Variants in RBFOX1 observed in about 807,000 individuals in gnomAD.
RBFOX1 encodes the protein RNA binding fox-1 homolog 1.
A neutral mutation model predicts 57.7 loss-of-function variants in RBFOX1; 8 were observed. The ratio of observed to expected loss-of-function variants is 0.14; its 90% CI spans 0.08 to 0.25. The LOEUF is 0.25. Ranked by LOEUF, RBFOX1 falls within the 10% of genes least tolerant of loss-of-function variation. RBFOX1 has a pLI of 1.00. For synonymous variants in RBFOX1, 326 were observed against 222.4 expected, an observed-to-expected ratio of 1.47 and a Z score of -4.15; for missense variants, 611 against 548.5, an observed-to-expected ratio of 1.11 and a Z score of -1.14.
At chr16:7,493,547 C>G (rs2067620691) in intron 4 of RBFOX1, among the ~76,000 whole-genome samples, 1 of 152,062 alleles carries the variant, frequency 6.6e-6, no homozygotes, top group African/African-American at 2.4e-5. Context: ...GTAATCACAA[C>G]AGTACTTACA....
At chr16:7,565,472 A>G (rs2091450639) in intron 5 of RBFOX1, among the ~76,000 whole-genome samples, 1 of 152,152 alleles carries the variant, frequency 6.6e-6, no homozygotes, top group East Asian at 1.9e-4. Context: ...ATGCCAGCCC[A>G]TGCTCTGCCC....
At chr16:6,287,601 G>C (rs140611283) in intron 1 of RBFOX1, among the ~76,000 whole-genome samples, 6 of 152,212 alleles carry the variant, frequency 3.9e-5, no homozygotes, top group African/African-American at 1.4e-4. Context: ...GTAAACATTT[G>C]ATGAATGACT....
chr16:6,685,383 C>A (rs952400561), intron 3 of RBFOX1, among the ~76,000 whole-genome samples: 8 of 146,270 alleles, frequency 5.5e-5, no homozygotes, highest in Admixed American at 3.5e-4. Flanking sequence ...TCAAGCAATT[C>A]TCTTGCCTCA....
At chr16:6,634,285 T>C (rs1425438497) in intron 2 of RBFOX1, among the ~76,000 whole-genome samples, 1 of 152,076 alleles carries the variant, frequency 6.6e-6, no homozygotes, top group Non-Finnish European at 1.5e-5. Context: ...GGAAAGCAGA[T>C]TGGCTGAGTC....
chr16:5,634,659 A>C (rs573676515), intron 3 of RBFOX1, among the ~76,000 whole-genome samples: 1 of 152,332 alleles, frequency 6.6e-6, no homozygotes, highest in East Asian at 1.9e-4. Context: ...ATCATAGATC[A>C]CTCGGAGTCA....
chr16:7,525,136 C>G (rs190023554), intron 5 of RBFOX1, among the ~76,000 whole-genome samples: 188 of 152,252 alleles, frequency 1.2e-3, no homozygotes, highest in African/African-American at 4.3e-3. Flanking sequence ...CTCCCTCTAT[C>G]TCTATCATCT....
rs111535966 is a variant in RBFOX1, at chr16:6,274,359, A to T, written c.-126-42636A>T. ...TGGTATATCCATACCACAAAATACA[A>T]CCCAGTAACAAAAAGGAGTGGACTG... On this transcript the variant is annotated intron_variant, in intron 1 of 15. Transcript: ENST00000550418. 5.3e-3 allele frequency among the ~76,000 whole-genome samples: 807 copies of T among 152,278 alleles called. 7 individuals are homozygous for T. Among genetic ancestry groups the T allele is most frequent in the African/African-American group, 0.018 (743 of 41,552 alleles).
At chr16:7,499,442 C>T (rs2069881931) in intron 4 of RBFOX1, among the ~76,000 whole-genome samples, 1 of 152,018 alleles carries the variant, frequency 6.6e-6, no homozygotes. Flanking sequence ...TTCTGAGATA[C>T]TGGGAGCTGG....
intron 3 of RBFOX1, among the ~76,000 whole-genome samples, chr16:6,727,585 G>A (rs1197511833): frequency 6.6e-6 from 1 of 152,174 alleles, no homozygotes; most frequent in South Asian, 2.1e-4. Flanking sequence ...GCCTATGCTT[G>A]AGTGGAGTTG....
intron 4 of RBFOX1, among the ~76,000 whole-genome samples, chr16:7,069,389 C>A (rs1431359764): frequency 6.6e-6 from 1 of 152,000 alleles, no homozygotes; most frequent in East Asian, 1.9e-4. Flanking sequence ...GTGTGGTTCC[C>A]CTTCATGTTT....
intron 4 of RBFOX1, among the ~76,000 whole-genome samples, chr16:7,406,155 C>G (rs1158146840): frequency 6.6e-6 from 1 of 152,168 alleles, no homozygotes; most frequent in Non-Finnish European, 1.5e-5. Flanking sequence ...ATCTTTGAAA[C>G]TGTGGTTTTT....
At chr16:7,299,386 C>T (rs897866927) in intron 4 of RBFOX1, among the ~76,000 whole-genome samples, 2 of 152,124 alleles carry the variant, frequency 1.3e-5, no homozygotes, top group Admixed American at 6.6e-5. Context: ...CTCTTGGAAG[C>T]GTGGTTTATT....
chr16:6,925,461 T>C (rs888751480), intron 3 of RBFOX1, among the ~76,000 whole-genome samples: 2 of 150,978 alleles, frequency 1.3e-5, no homozygotes, highest in African/African-American at 4.9e-5. Flanking sequence ...TCCACATTTA[T>C]TTATTTATTT....
chr16:7,099,871 A>C (rs1275526796), intron 4 of RBFOX1, among the ~76,000 whole-genome samples: 3 of 152,128 alleles, frequency 2.0e-5, no homozygotes, highest in African/African-American at 7.2e-5. Flanking sequence ...ACAGCCTCTA[A>C]GTAGCAGGTT....
rs116057489 is a variant in RBFOX1 at position 7,129,605 on chromosome 16, G to A, written c.27+77507G>A. ...TGAGGAATTACAGTTGGCTTTAAGTGTATGCATCTGATTGTTGACTAGATC... is the reference window on the plus strand; with the variant it reads ...TGAGGAATTACAGTTGGCTTTAAGTATATGCATCTGATTGTTGACTAGATC... On this transcript the variant is annotated intron_variant, in intron 4 of 15. Transcript: ENST00000550418. Among the ~76,000 whole-genome samples, 783 of 152,168 alleles carry A rather than the reference G, an allele frequency of 5.1e-3. 7 individuals are homozygous for A. The highest frequency in any genetic ancestry group is 0.018 in the African/African-American group (749 of 41,502).
intron 4 of RBFOX1, among the ~76,000 whole-genome samples, chr16:7,166,697 C>T (rs950764795): frequency 6.6e-6 from 1 of 152,068 alleles, no homozygotes; most frequent in Non-Finnish European, 1.5e-5. Context: ...TGCTGTCAGC[C>T]GATGCACTAG....
At chr16:6,123,847 G>T (rs1191766206) in intron 1 of RBFOX1, among the ~76,000 whole-genome samples, 1 of 152,184 alleles carries the variant, frequency 6.6e-6, no homozygotes, top group Non-Finnish European at 1.5e-5. Flanking sequence ...GGAGGTTGCA[G>T]TGAGCTGAGA....
chr16:7,138,166 C>G (rs967783913), intron 4 of RBFOX1, among the ~76,000 whole-genome samples: 6 of 151,980 alleles, frequency 3.9e-5, no homozygotes, highest in African/African-American at 7.3e-5. Flanking sequence ...TAATGCAAAT[C>G]CAAAGCTTTG....
At chr16:7,512,375 A>G (rs1027540273) in intron 4 of RBFOX1, among the ~76,000 whole-genome samples, 11 of 152,230 alleles carry the variant, frequency 7.2e-5, no homozygotes, top group African/African-American at 2.7e-4. Context: ...GGAAACAAAG[A>G]CATCTCTGGA....
Sources: gnomAD v4.1 joint callset for allele counts (sites outside exome capture counted in the v4.1 genomes callset) on GRCh38, gnomAD v4.1.1 for gene constraint, MANE v1.5 for transcripts, NCBI Gene and HGNC (gene_info 2026-07-23, HGNC 2026-07-21) for gene names.